The following PLEKHG1 variants were observed in gnomAD, a reference collection of about 807,000 sequenced individuals.
The protein encoded by PLEKHG1 is pleckstrin homology and RhoGEF domain containing G1.
Under a neutral mutation model 100.8 loss-of-function variants are expected in PLEKHG1, and 44 were observed. That is an observed-to-expected ratio of 0.44 (90% CI 0.34 to 0.56). PLEKHG1 has a LOEUF of 0.56. Ranked by LOEUF, PLEKHG1 falls within the 20% of genes least tolerant of loss-of-function variation. The pLI is 0.01. For missense variants in PLEKHG1, 1,545 were observed against 1,720.9 expected (o/e 0.90, Z 1.81); for synonymous variants, 640 against 662.5 (o/e 0.97, Z 0.52).
intron 15 of PLEKHG1, among the ~76,000 whole-genome samples, chr6:150,839,081 T>C (rs1777378444): frequency 6.6e-6 from 1 of 152,152 alleles, no homozygotes. Context: ...GGGGTAGCCA[T>C]TGCATTGTGG....
At position 150,710,045 on chromosome 6, in the gene PLEKHG1, A is replaced by G. The variant is rs547697154; in HGVS notation, c.-98-23539A>G. ...TATTAAATTACTAGGCTGATAACCAATAGTCATTATGAAAACATAATTCCT... is the reference window on the plus strand; with the variant it reads ...TATTAAATTACTAGGCTGATAACCAGTAGTCATTATGAAAACATAATTCCT... On this transcript the variant is annotated intron_variant, in intron 3 of 3. Transcript: ENST00000367326. 3.3e-5 allele frequency among the ~76,000 whole-genome samples: 5 copies of G among 152,308 alleles called. 1 individual carries two copies. The highest frequency in any genetic ancestry group is 4.1e-4 in the South Asian group (2 of 4,832).
At position 150,622,528 on chromosome 6, in the gene PLEKHG1, A is replaced by G. The variant is rs77963514; in HGVS notation, c.-203-15552A>G. On this transcript the variant is annotated intron_variant, in intron 1 of 3. Coordinates refer to the PLEKHG1 transcript ENST00000367326. Reference sequence around the variant, plus strand: ...CCCCACCCTACCACTGTTCTGAGTTAGGTTACTGGGATGAACCCCAGAGCC... The same window carrying G: ...CCCCACCCTACCACTGTTCTGAGTTGGGTTACTGGGATGAACCCCAGAGCC... Among the ~76,000 whole-genome samples the G allele has an allele frequency of 5.9e-3, 893 of 152,220 alleles. 8 individuals are homozygous for G. The highest frequency in any genetic ancestry group is 0.021 in the African/African-American group (859 of 41,528).
chr6:150,792,058 T>A (rs1786011894), intron 4 of PLEKHG1, among the ~76,000 whole-genome samples: 2 of 151,996 alleles, frequency 1.3e-5, no homozygotes, highest in Non-Finnish European at 2.9e-5. Context: ...AAAGAATGAG[T>A]GTAGCTAATC....
intron 3 of PLEKHG1, among the ~76,000 whole-genome samples, chr6:150,685,826 A>T (rs9480530): frequency 0.19 from 29,498 of 152,156 alleles, 2,927 homozygotes; most frequent in South Asian, 0.26. Flanking sequence ...ATTAAATTAA[A>T]TAAGATGTAA....
rs558443779 is a variant in PLEKHG1 at position 150,669,384 on chromosome 6, C to T, written c.-99+18598C>T. 4.6e-5 allele frequency among the ~76,000 whole-genome samples: 7 copies of T among 152,232 alleles called. No individual in the cohort carries two copies. The South Asian group carries it at 1.5e-3, about 32-fold the overall frequency. On this transcript the variant is annotated intron_variant, in intron 3 of 3. Transcript: ENST00000367326. ...GTCATTCTCTGACCTAGTTTGATGT[C>T]TAACTCCCTTATAATTGCATCAGCT...
At chr6:150,644,335 T>G (rs372644626) in intron 2 of PLEKHG1, among the ~76,000 whole-genome samples, 65 of 61,098 alleles carry the variant, frequency 1.1e-3, no homozygotes, top group South Asian at 2.4e-3. Context: ...TCTTTTCGTG[T>G]TTTTTTTTTT....
At chr6:150,821,206 C>G in exon 13 of PLEKHG1, 2 of 1,613,034 alleles carry the variant, frequency 1.2e-6, no homozygotes, top group Non-Finnish European at 1.7e-6. Flanking sequence ...ACCTTCCTCA[C>G]GGTCACATAA....
rs555179427 is a variant in PLEKHG1, at chr6:150,807,976, A to G, written c.913-1129A>G. Among the ~76,000 whole-genome samples the G allele has an allele frequency of 6.8e-4, 103 of 152,284 alleles. 1 individual carries two copies. The highest frequency in any genetic ancestry group is 2.4e-3 in the African/African-American group (98 of 41,542). On this transcript the variant is annotated intron_variant, in intron 7 of 15. Coordinates refer to ENST00000358517, the Ensembl canonical transcript of PLEKHG1. The stretch of plus-strand genomic sequence containing the variant: ...AGAGCGAGACTCTGTCTCAAAAAAG[A>G]AAAAAGAAAAAGAATGAATAAGATC...
intron 7 of PLEKHG1, 122 bp downstream of exon 8, chr6:150,804,863 C>A: frequency 1.1e-6 from 1 of 896,080 alleles, no homozygotes; most frequent in Non-Finnish European, 1.7e-6. Flanking sequence ...TGTAGTTCTC[C>A]CTGAAAAAAG....
intron 6 of PLEKHG1, among the ~76,000 whole-genome samples, chr6:150,802,227 A>G (rs985806816): frequency 8.5e-5 from 13 of 152,276 alleles, no homozygotes; most frequent in Non-Finnish European, 1.3e-4. Flanking sequence ...CTTATGTTCT[A>G]TGAAGTCACA....
At chr6:150,701,362 G>C (rs1006591121) in intron 3 of PLEKHG1, among the ~76,000 whole-genome samples, 2 of 135,004 alleles carry the variant, frequency 1.5e-5, no homozygotes, top group African/African-American at 5.2e-5. Context: ...CCTACATTGG[G>C]TTATATCTGT....
At chr6:150,744,936 C>T (rs1376906758) in intron 2 of PLEKHG1, among the ~76,000 whole-genome samples, 1 of 152,084 alleles carries the variant, frequency 6.6e-6, no homozygotes, top group East Asian at 1.9e-4. Context: ...GTTTTTACTC[C>T]CATATCAAAT....
At chr6:150,761,435 G>A (rs1054228307) in intron 2 of PLEKHG1, among the ~76,000 whole-genome samples, 2 of 152,136 alleles carry the variant, frequency 1.3e-5, no homozygotes, top group African/African-American at 2.4e-5. Context: ...AGCCTCTCGA[G>A]TAGCTGATAT....
At chr6:150,628,576 A>ACACACACACACACACACACAC (rs1317085737) in intron 1 of PLEKHG1, among the ~76,000 whole-genome samples, 1 of 108,096 alleles carries the variant, frequency 9.3e-6, no homozygotes, top group African/African-American at 3.4e-5. Flanking sequence ...ACACACACAC[A>ACACACACACACACACACACAC]CCCCGTCCTT....
chr6:150,724,110 C>A (rs1781836963), intron 1 of PLEKHG1, among the ~76,000 whole-genome samples: 1 of 152,236 alleles, frequency 6.6e-6, no homozygotes, highest in Non-Finnish European at 1.5e-5. Context: ...AAGGTTTTGC[C>A]TGTCTTTGTG....
At chr6:150,661,738 G>A (rs1365424375) in intron 3 of PLEKHG1, among the ~76,000 whole-genome samples, 2 of 152,178 alleles carry the variant, frequency 1.3e-5, no homozygotes, top group Non-Finnish European at 2.9e-5. Context: ...CCTATTAGCT[G>A]TGAAACTATA....
intron 1 of PLEKHG1, among the ~76,000 whole-genome samples, chr6:150,611,556 A>T (rs982583352): frequency 6.6e-6 from 1 of 152,204 alleles, no homozygotes; most frequent in African/African-American, 2.4e-5. Context: ...TCACGCCTGT[A>T]ATCCCAACAC....
At chr6:150,672,290 T>C (rs73006338) in intron 3 of PLEKHG1, among the ~76,000 whole-genome samples, 13,008 of 152,296 alleles carry the variant, frequency 0.085, 602 homozygotes, top group Admixed American at 0.1. Context: ...AATTAGAGCC[T>C]GATTCCACGG....
chr6:150,651,500 C>G (rs114471619), intron 3 of PLEKHG1, among the ~76,000 whole-genome samples: 1 of 152,094 alleles, frequency 6.6e-6, no homozygotes, highest in Non-Finnish European at 1.5e-5. Context: ...ACCTAAAGTA[C>G]TGGGATTACA....
Sources: allele counts gnomAD v4.1 joint callset (sites outside exome capture counted in the v4.1 genomes callset), GRCh38; gene constraint gnomAD v4.1.1; transcripts MANE v1.5; gene names NCBI Gene and HGNC (gene_info 2026-07-23, HGNC 2026-07-21).